P2RX5: variants seen among roughly 807,000 people sequenced by gnomAD.
P2RX5 encodes the protein P2X purinoceptor 5.
P2RX5 carries 46 observed loss-of-function variants against 54.1 expected under a neutral mutation model. That is an observed-to-expected ratio of 0.85 (90% CI 0.67 to 1.09). The LOEUF (loss-of-function observed/expected upper bound fraction) is 1.09, where lower values mean the gene tolerates loss of function less well. Ranked by LOEUF, P2RX5 falls within the 50% of genes least tolerant of loss-of-function variation. The pLI is 0.00. For missense variants in P2RX5, 566 were observed against 549.8 expected, an observed-to-expected ratio of 1.03 and a Z score of -0.29; for synonymous variants, 226 against 226.4, an observed-to-expected ratio of 1.00 and a Z score of 0.02.
In P2RX5 at chr17:3,696,131, G is replaced by C. The variant is rs1248836658; in HGVS notation, c.-126C>G. On this transcript the variant is annotated 5_prime_UTR_variant, in exon 1 of 12. Transcript: ENST00000225328. ...GTCTGCGCCCGCTCAGCTGCAGCCC[G>C]GGGTGTCCGGCAGGGCTGCGGGGCG... 2 of 1,035,434 alleles carry C rather than the reference G, an allele frequency of 1.9e-6. No homozygotes were observed. Among genetic ancestry groups the C allele is most frequent in the Non-Finnish European group, 2.6e-6 (2 of 780,144 alleles). 64.1% of individuals were successfully genotyped at this position (1,035,434 alleles called of 1,614,324 possible). A position where few individuals can be genotyped will look rare whatever the true frequency, so the allele number is the denominator to read the frequency against.
intron 5 of P2RX5, 133 bp downstream of exon 5, chr17:3,690,294 C>G: frequency 1.8e-6 from 2 of 1,125,266 alleles, no homozygotes. Context: ...GGGAGGCCGT[C>G]GGGCCTCGCT....
chr17:3,690,924 C>A (rs771565275), intron 3 of P2RX5, 32 bp downstream of exon 3: 8 of 1,590,348 alleles, frequency 5.0e-6, no homozygotes, highest in Admixed American at 1.7e-5. Flanking sequence ...GGCTCTCCCA[C>A]CCCCACGCCA....
At chr17:3,704,137 C>T in the P2RX5 span, among the ~76,000 whole-genome samples, 1 of 152,130 alleles carries the variant, frequency 6.6e-6, no homozygotes, top group Non-Finnish European at 1.5e-5. Flanking sequence ...AAAAACCACA[C>T]AAAACCCAAA....
At position 3,689,515 on chromosome 17, in the gene P2RX5, C is replaced by A. The variant is rs574503690; in HGVS notation, c.730G>T (p.Asp244Tyr). ...LGSVIRWAGS[D>Y]FQDIALEGGV... ...ACCTCCAGGGCTATATCCTGGAAGT[C>A]GCTCCCGGCCCAGCGGATCACGGAG... Residue 244 changes from aspartate (D) to tyrosine (Y), a missense_variant, in exon 7 of 12, where the codon GAC (aspartate) becomes TAC (tyrosine). Coordinates refer to ENST00000225328, the MANE Select transcript of P2RX5 (RefSeq NM_002561.4). 1.2e-6 allele frequency: 2 copies of A among 1,614,140 alleles called. No homozygotes were observed. The highest frequency in any genetic ancestry group is 1.7e-6 in the Non-Finnish European group (2 of 1,180,032).
the P2RX5 span, chr17:3,723,313 T>A: frequency 6.2e-7 from 1 of 1,613,122 alleles, no homozygotes; most frequent in Non-Finnish European, 8.5e-7. Context: ...CCAGGAGATC[T>A]CTGCAGCCAC....
rs536801568 is a variant in P2RX5, at chr17:3,677,018, C to T, written c.1259+2572G>A. 110 of 893,024 alleles carry T rather than the reference C, an allele frequency of 1.2e-4. 1 individual carries two copies. The highest frequency in any genetic ancestry group is 1.2e-3 in the South Asian group (23 of 19,430). 55.3% of individuals were successfully genotyped at this position (893,024 alleles called of 1,614,324 possible). A position where few individuals can be genotyped will look rare whatever the true frequency, so the allele number is the denominator to read the frequency against. ...CGGAGGTTCCAGTAAGCCAAGATCA[C>T]GCCACTGCACTCCAGCCTGGGTGAC... On this transcript the variant is annotated intron_variant, in intron 11 of 11. Coordinates refer to ENST00000225328, the MANE Select transcript of P2RX5 (RefSeq NM_002561.4).
chr17:3,700,533 G>GAA (rs35207117), upstream of P2RX5, among the ~76,000 whole-genome samples: 4 of 135,856 alleles, frequency 2.9e-5, no homozygotes, highest in Admixed American at 7.5e-5. Flanking sequence ...ACTCTGGCTC[G>GAA]AAAAAAAAAA....
intron 11 of P2RX5, among the ~76,000 whole-genome samples, chr17:3,674,889 G>C (rs759878958): frequency 6.6e-6 from 1 of 152,172 alleles, no homozygotes; most frequent in South Asian, 2.1e-4. Context: ...ATTTGGTAAG[G>C]GTTCAATGCC....
chr17:3,681,794 C>G, intron 10 of P2RX5, 102 bp downstream of exon 10: 1 of 817,706 alleles, frequency 1.2e-6, no homozygotes, highest in Non-Finnish European at 2.2e-6. Flanking sequence ...CAGCCCCTGC[C>G]TCCCACCCCA....
At chr17:3,710,216 C>T in the P2RX5 span, among the ~76,000 whole-genome samples, 2 of 151,794 alleles carry the variant, frequency 1.3e-5, no homozygotes, top group Non-Finnish European at 2.9e-5. Flanking sequence ...CACTTGAAGT[C>T]GGGAGTTCAA....
chr17:3,680,160 TGTCCTCCACCCTGCATCCTCCACCCTGC>T (rs2050213200), intron 10 of P2RX5, among the ~76,000 whole-genome samples: 13 of 22,722 alleles, frequency 5.7e-4, no homozygotes, highest in Admixed American at 1.9e-3. Flanking sequence ...CTCCATCCGG[TGTCCTCCACCCTGCATCCTCCACCCTGC>T]GTCCTCCACC....
At chr17:3,699,064 C>CACACACACAT (rs2050798169), upstream of P2RX5, among the ~76,000 whole-genome samples, 1 of 83,182 alleles carries the variant, frequency 1.2e-5, no homozygotes, top group Non-Finnish European at 2.9e-5. Flanking sequence ...CACACACACA[C>CACACACACAT]ACACACACAC....
At chr17:3,690,172 C>G (rs910107899) in intron 5 of P2RX5, 22 bp from the exon 6 acceptor site, 16 of 1,609,682 alleles carry the variant, frequency 9.9e-6, no homozygotes, top group Non-Finnish European at 1.3e-5. Flanking sequence ...CCCAGAACAG[C>G]CTGTCCAGGA....
the P2RX5 span, among the ~76,000 whole-genome samples, chr17:3,702,080 C>G: frequency 3.3e-5 from 5 of 151,504 alleles, no homozygotes; most frequent in Non-Finnish European, 7.4e-5. Context: ...CTTCCTGGGT[C>G]GAGTGAAGAC....
At chr17:3,682,301 C>T (rs990285960) in intron 9 of P2RX5, 35 of 397,198 alleles carry the variant, frequency 8.8e-5, no homozygotes, top group Middle Eastern at 8.1e-4. Flanking sequence ...CACCGAAGTA[C>T]GGAGAGGATC....
At chr17:3,697,634 A>G (rs73312649), upstream of P2RX5, among the ~76,000 whole-genome samples, 351 of 152,332 alleles carry the variant, frequency 2.3e-3, 3 homozygotes, top group African/African-American at 7.5e-3. Context: ...GAAGAAAAAA[A>G]GGCAAATTCC....
intron 11 of P2RX5, chr17:3,676,574 G>A (rs944467037): frequency 9.1e-6 from 9 of 985,392 alleles, no homozygotes; most frequent in Non-Finnish European, 1.1e-5. Flanking sequence ...CAGCATGCGT[G>A]TAAGTCTGAC....
At chr17:3,677,748 A>G (rs1319536004) in intron 11 of P2RX5, 1 of 985,244 alleles carries the variant, frequency 1.0e-6, no homozygotes, top group Non-Finnish European at 1.2e-6. Context: ...GCGTCAATAC[A>G]TGTTTACAGC....
At chr17:3,720,651 G>A in the P2RX5 span, 4 of 298,750 alleles carry the variant, frequency 1.3e-5, no homozygotes, top group South Asian at 3.8e-5. Context: ...GTGCGATCTC[G>A]GCTCACTGCA....
Sources: gnomAD v4.1 joint callset for allele counts (sites outside exome capture counted in the v4.1 genomes callset) on GRCh38, gnomAD v4.1.1 for gene constraint, MANE v1.5 for transcripts, NCBI Gene and HGNC (gene_info 2026-07-23, HGNC 2026-07-21) for gene names.